Variants in CNTNAP4 observed in about 807,000 individuals in gnomAD.
CNTNAP4 encodes contactin associated protein family member 4.
CNTNAP4 carries 98 observed loss-of-function variants against 148.4 expected under a neutral mutation model. The ratio of observed to expected loss-of-function variants is 0.66; its 90% CI spans 0.56 to 0.78. The LOEUF is 0.78. CNTNAP4 is among the 30% of genes least tolerant of loss of function. The pLI is 0.00. For missense variants in CNTNAP4, 1,935 were observed against 1,565.6 expected, an observed-to-expected ratio of 1.24 and a Z score of -3.98; for synonymous variants, 730 against 565.1, an observed-to-expected ratio of 1.29 and a Z score of -4.14.
At chr16:76,475,193 C>T (rs779391804) in intron 10 of CNTNAP4, among the ~76,000 whole-genome samples, 91 of 152,166 alleles carry the variant, frequency 6.0e-4, no homozygotes, top group Middle Eastern at 3.4e-3. Context: ...AAAAATGAGA[C>T]TCCAGTAGCC....
chr16:76,301,494 G>A (rs1434302864), intron 1 of CNTNAP4, among the ~76,000 whole-genome samples: 1 of 151,998 alleles, frequency 6.6e-6, no homozygotes, highest in African/African-American at 2.4e-5. Flanking sequence ...TAATATTAAC[G>A]ATTAATATAG....
chr16:76,436,802 G>T (rs1468288851), intron 4 of CNTNAP4, among the ~76,000 whole-genome samples: 2 of 152,008 alleles, frequency 1.3e-5, no homozygotes, highest in Non-Finnish European at 2.9e-5. Flanking sequence ...CATACTATTA[G>T]AAGTAGAGTC....
At chr16:76,415,594 C>G (rs1244768335) in intron 3 of CNTNAP4, among the ~76,000 whole-genome samples, 1 of 150,770 alleles carries the variant, frequency 6.6e-6, no homozygotes, top group Non-Finnish European at 1.5e-5. Flanking sequence ...AAAATGCACC[C>G]AAATAAAGTG....
At chr16:76,480,890 C>T (rs987828284) in intron 12 of CNTNAP4, among the ~76,000 whole-genome samples, 2 of 152,062 alleles carry the variant, frequency 1.3e-5, no homozygotes, top group Non-Finnish European at 2.9e-5. Flanking sequence ...TGAAAATCAA[C>T]AAGCATATTC....
chr16:76,548,826 G>C (rs1597135266), intron 21 of CNTNAP4, among the ~76,000 whole-genome samples: 2 of 152,154 alleles, frequency 1.3e-5, no homozygotes, highest in African/African-American at 4.8e-5. Context: ...TGGGGAGTCA[G>C]ATAACAAGAA....
At chr16:76,427,204 G>A (rs562272036) in intron 3 of CNTNAP4, among the ~76,000 whole-genome samples, 14 of 152,230 alleles carry the variant, frequency 9.2e-5, no homozygotes, top group East Asian at 7.7e-4. Flanking sequence ...TACAGGTATC[G>A]TGGTTGAAAA....
At chr16:76,390,080 A>G (rs911485902) in intron 3 of CNTNAP4, among the ~76,000 whole-genome samples, 3 of 152,198 alleles carry the variant, frequency 2.0e-5, no homozygotes, top group East Asian at 1.9e-4. Context: ...CAATGTATCC[A>G]TCAGAGGAGC....
chr16:76,543,318 A>G (rs907391535), intron 21 of CNTNAP4, among the ~76,000 whole-genome samples: 5 of 152,228 alleles, frequency 3.3e-5, no homozygotes, highest in African/African-American at 9.6e-5. Context: ...AACATGTTAC[A>G]TAGTATATCC....
At chr16:76,453,257 A>C (rs950705482) in intron 8 of CNTNAP4, among the ~76,000 whole-genome samples, 2 of 152,332 alleles carry the variant, frequency 1.3e-5, no homozygotes, top group South Asian at 4.1e-4. Context: ...CTGATGTCTT[A>C]TGTAAAGAGT....
intron 23 of CNTNAP4, chr16:76,557,508 C>T (rs1426712217): frequency 6.6e-6 from 1 of 152,136 alleles, no homozygotes; most frequent in African/African-American, 2.4e-5. Context: ...GAAAGTCTTG[C>T]AGTCAAGGGT....
intron 15 of CNTNAP4, among the ~76,000 whole-genome samples, chr16:76,515,803 A>G (rs1302251242): frequency 2.0e-5 from 3 of 151,214 alleles, no homozygotes; most frequent in Admixed American, 2.0e-4. Context: ...CTAAGATTTA[A>G]AAAAAAAATA....
chr16:76,431,050 T>A (rs189156162), intron 4 of CNTNAP4, among the ~76,000 whole-genome samples: 6 of 152,298 alleles, frequency 3.9e-5, no homozygotes, highest in Non-Finnish European at 7.3e-5. Flanking sequence ...GAACTAAGTA[T>A]AAAATATTGT....
chr16:76,558,540 G>T lies in CNTNAP4; in HGVS notation c.3784G>T (p.Val1262Phe). The change falls in exon 24 of 24, where the codon GTT becomes TTT. Residue 1262 changes from valine (V) to phenylalanine (F), a missense_variant. Coordinates refer to ENST00000611870, the MANE Select transcript of CNTNAP4 (RefSeq NM_033401.5). ...CTTGCTTTGCATCACTGCCATAGCT[G>T]TTCGCATTTATCAGCAGAAAAGGTT... ...FILLCITAIA[V>F]RIYQQKRLYK... is the part of the protein sequence containing the mutation. 6.2e-7 allele frequency: 1 copy of T among 1,611,898 alleles called. No homozygotes were observed. Among genetic ancestry groups the T allele is most frequent in the East Asian group, 2.2e-5 (1 of 44,848 alleles).
chr16:76,554,607 T>G (rs1469932719), intron 23 of CNTNAP4, among the ~76,000 whole-genome samples: 1 of 152,158 alleles, frequency 6.6e-6, no homozygotes, highest in Non-Finnish European at 1.5e-5. Context: ...TTAATGCTCT[T>G]AAGAATGTTA....
chr16:76,395,343 G>T (rs1248225741), intron 3 of CNTNAP4, among the ~76,000 whole-genome samples: 3 of 149,208 alleles, frequency 2.0e-5, no homozygotes, highest in African/African-American at 7.4e-5. Flanking sequence ...TTGGCTCATT[G>T]CAACCTCTGC....
chr16:76,402,395 C>T (rs1223210823), intron 3 of CNTNAP4, among the ~76,000 whole-genome samples: 1 of 151,366 alleles, frequency 6.6e-6, no homozygotes, highest in East Asian at 1.9e-4. Flanking sequence ...GGAAGTATCT[C>T]CTTTGTCACT....
At chr16:76,439,206 TA>T (rs149471857) in intron 4 of CNTNAP4, among the ~76,000 whole-genome samples, 2,163 of 152,054 alleles carry the variant, frequency 0.014, 24 homozygotes, top group Non-Finnish European at 0.025. Flanking sequence ...ATGGCTGAAT[TA>T]AAAAAAATCT....
At chr16:76,340,079 C>G (rs1964343167) in intron 2 of CNTNAP4, among the ~76,000 whole-genome samples, 1 of 152,134 alleles carries the variant, frequency 6.6e-6, no homozygotes, top group Admixed American at 6.5e-5. Flanking sequence ...GCTCCACTGT[C>G]AGATTGGGCT....
chr16:76,474,655 G>T (rs2081498811), intron 10 of CNTNAP4, among the ~76,000 whole-genome samples: 1 of 152,136 alleles, frequency 6.6e-6, no homozygotes, highest in Non-Finnish European at 1.5e-5. Context: ...CTTGATCTCA[G>T]TGTATCTTTC....
Sources: gnomAD v4.1 joint callset for allele counts (sites outside exome capture counted in the v4.1 genomes callset) on GRCh38, gnomAD v4.1.1 for gene constraint, MANE v1.5 for transcripts, NCBI Gene and HGNC (gene_info 2026-07-23, HGNC 2026-07-21) for gene names.